Variants in PHKB observed in about 807,000 individuals in gnomAD.
PHKB encodes the protein phosphorylase kinase regulatory subunit beta, also known as phosphorylase b kinase regulatory subunit beta.
A neutral mutation model predicts 152.1 loss-of-function variants in PHKB; 122 were observed. The ratio of observed to expected loss-of-function variants is 0.80; its 90% CI spans 0.69 to 0.93. The LOEUF is 0.93. PHKB is among the 40% of genes least tolerant of loss of function. The pLI is 0.00. For missense variants in PHKB, 1,304 were observed against 1,328.4 expected, an observed-to-expected ratio of 0.98 and a Z score of 0.29; for synonymous variants, 436 against 464.9, an observed-to-expected ratio of 0.94 and a Z score of 0.80.
At chr16:47,608,932 T>C (rs542359537) in intron 13 of PHKB, among the ~76,000 whole-genome samples, 1 of 152,340 alleles carries the variant, frequency 6.6e-6, no homozygotes, top group East Asian at 1.9e-4. Flanking sequence ...TCCAGTTCAA[T>C]GTTGAATAGA....
intron 6 of PHKB, among the ~76,000 whole-genome samples, chr16:47,546,699 G>A (rs567057631): frequency 6.6e-6 from 1 of 152,102 alleles, no homozygotes; most frequent in Non-Finnish European, 1.5e-5. Context: ...TTTCACCTAT[G>A]CCATGCCCCC....
Position 47,700,520 on chromosome 16 carries a change from G to A in PHKB, c.*1154G>A, listed in dbSNP as rs946935885. 2.0e-5 allele frequency: 3 copies of A among 151,960 alleles called. No homozygotes were observed. Among genetic ancestry groups the A allele is most frequent in the Non-Finnish European group, 2.9e-5 (2 of 67,988 alleles). The allele number at this position is 151,960 out of a possible 1,614,324, so 9.4% of individuals were successfully genotyped here. ...TCACAAGATTGAGCTTCAAACTCCC[G>A]AGTGTTTTCATTTAATTGATTTAGA... On this transcript the variant is annotated 3_prime_UTR_variant, in exon 31 of 31. Coordinates refer to ENST00000323584, the MANE Select transcript of PHKB (RefSeq NM_000293.3).
intron 6 of PHKB, among the ~76,000 whole-genome samples, chr16:47,518,046 C>G (rs1970626597): frequency 6.6e-6 from 1 of 152,074 alleles, no homozygotes; most frequent in African/African-American, 2.4e-5. Context: ...GACTTGGAAG[C>G]CTTTTCTTTT....
intron 14 of PHKB, among the ~76,000 whole-genome samples, chr16:47,619,665 C>T (rs914559705): frequency 3.9e-5 from 6 of 152,238 alleles, no homozygotes; most frequent in Middle Eastern, 3.4e-3. Context: ...TTCTAGTGCC[C>T]ACTGATTATC....
At position 47,473,157 on chromosome 16, in the gene PHKB, C is replaced by G. The variant is rs1344431493; in HGVS notation, c.76+11731C>G. ...TGTCACAGTTCACTGCAGCCTCGGTCTCCTGTGCTCAAGCATTCCCTTCTG... is the reference window on the plus strand; with the variant it reads ...TGTCACAGTTCACTGCAGCCTCGGTGTCCTGTGCTCAAGCATTCCCTTCTG... On this transcript the variant is annotated intron_variant, in intron 1 of 30. Coordinates refer to ENST00000323584, the MANE Select transcript of PHKB (RefSeq NM_000293.3). 6.3e-5 allele frequency among the ~76,000 whole-genome samples: 9 copies of G among 143,266 alleles called. No individual in the cohort carries two copies. In the Admixed American group the frequency reaches 6.5e-4, roughly 10 times the overall value. 94.0% of individuals were successfully genotyped at this position (143,266 alleles called of 152,430 possible).
intron 6 of PHKB, among the ~76,000 whole-genome samples, 198 bp downstream of exon 6, chr16:47,515,799 G>A (rs1222880042): frequency 1.3e-5 from 2 of 152,094 alleles, no homozygotes; most frequent in Non-Finnish European, 2.9e-5. Flanking sequence ...TGAACACAAT[G>A]TGTAACAGGT....
intron 26 of PHKB, among the ~76,000 whole-genome samples, chr16:47,674,528 T>C (rs1440064146): frequency 6.6e-6 from 1 of 152,202 alleles, no homozygotes; most frequent in African/African-American, 2.4e-5. Context: ...CCTCATTATG[T>C]TAACCACACA....
intron 28 of PHKB, 106 bp downstream of exon 28, chr16:47,693,613 G>C: frequency 8.1e-7 from 1 of 1,231,156 alleles, no homozygotes; most frequent in Non-Finnish European, 1.2e-6. Context: ...CGTTCTAAGA[G>C]TATTTTCAAA....
At chr16:47,509,834 T>A (rs965882224) in intron 4 of PHKB, among the ~76,000 whole-genome samples, 4 of 150,414 alleles carry the variant, frequency 2.7e-5, no homozygotes, top group Admixed American at 6.6e-5. Context: ...ATATACAGTT[T>A]GTTGCAATTC....
chr16:47,566,930 G>T, intron 7 of PHKB: 1 of 574,212 alleles, frequency 1.7e-6, no homozygotes, highest in Non-Finnish European at 3.1e-6. Context: ...AACTGGTATT[G>T]TTGAGGCTGC....
Position 47,641,582 on chromosome 16 carries a change from A to C in PHKB, c.1515-17A>C. 1 of 1,311,958 alleles carries C rather than the reference A, an allele frequency of 7.6e-7. No individual in the cohort carries two copies. Among genetic ancestry groups the C allele is most frequent in the African/African-American group, 1.4e-5 (1 of 69,172 alleles). The allele number at this position is 1,311,958 out of a possible 1,614,324, so 81.3% of individuals were successfully genotyped here. A position where few individuals can be genotyped will look rare whatever the true frequency, so the allele number is the denominator to read the frequency against. On this transcript the variant is annotated splice_polypyrimidine_tract_variant and intron_variant, in intron 15 of 30. Transcript: ENST00000323584. ...GCATTGTCTTAAAACGTCTCTTTTT[A>C]TCCCTATGATCTTTAGACTTCAAGT...
chr16:47,679,336 A>T (rs530523218), intron 26 of PHKB, among the ~76,000 whole-genome samples: 3 of 152,292 alleles, frequency 2.0e-5, no homozygotes, highest in South Asian at 4.1e-4. Flanking sequence ...TGGGGATGAC[A>T]TTGAATCTAT....
intron 14 of PHKB, among the ~76,000 whole-genome samples, chr16:47,625,690 A>G (rs1972697183): frequency 1.3e-5 from 2 of 152,128 alleles, no homozygotes. Context: ...ACTCTAATAT[A>G]TTACCCTTTA....
At chr16:47,532,142 C>T (rs1970872101) in intron 6 of PHKB, among the ~76,000 whole-genome samples, 1 of 152,228 alleles carries the variant, frequency 6.6e-6, no homozygotes, top group African/African-American at 2.4e-5. Flanking sequence ...TCATATGCCA[C>T]TTCACATGCA....
intron 7 of PHKB, among the ~76,000 whole-genome samples, chr16:47,570,677 T>G (rs1971642984): frequency 6.6e-6 from 1 of 151,816 alleles, no homozygotes; most frequent in African/African-American, 2.4e-5. Context: ...TTCATTCATA[T>G]CCTGTATTTT....
intron 25 of PHKB, among the ~76,000 whole-genome samples, chr16:47,667,743 C>T (rs1056121393): frequency 6.6e-6 from 1 of 152,186 alleles, no homozygotes; most frequent in African/African-American, 2.4e-5. Flanking sequence ...TGCATATGAA[C>T]ATTCAGAAGC....
chr16:47,536,808 GA>G (rs964019262), intron 6 of PHKB, among the ~76,000 whole-genome samples: 11 of 151,910 alleles, frequency 7.2e-5, no homozygotes, highest in East Asian at 1.9e-4. Flanking sequence ...TTAGAGGTGA[GA>G]AAAAAAACAC....
At chr16:47,554,608 C>A (rs984839195) in intron 7 of PHKB, among the ~76,000 whole-genome samples, 3 of 152,144 alleles carry the variant, frequency 2.0e-5, no homozygotes, top group Non-Finnish European at 4.4e-5. Flanking sequence ...CCCAAATGGC[C>A]ACCCAGTTTT....
chr16:47,643,807 G>A (rs993645021), intron 16 of PHKB, among the ~76,000 whole-genome samples: 7 of 152,210 alleles, frequency 4.6e-5, no homozygotes, highest in Non-Finnish European at 1.0e-4. Context: ...ACAGCTGAGA[G>A]CAGGGCTTTT....
Sources: allele counts gnomAD v4.1 joint callset (sites outside exome capture counted in the v4.1 genomes callset), GRCh38; gene constraint gnomAD v4.1.1; transcripts MANE v1.5; gene names NCBI Gene and HGNC (gene_info 2026-07-23, HGNC 2026-07-21).